SDK1: variants seen among roughly 807,000 people sequenced by gnomAD.
SDK1 encodes the protein protein sidekick-1.
A neutral mutation model predicts 245.5 loss-of-function variants in SDK1; 157 were observed. The ratio of observed to expected loss-of-function variants is 0.64; its 90% CI spans 0.56 to 0.73. The LOEUF is 0.73. Ranked by LOEUF, SDK1 falls within the 30% of genes least tolerant of loss-of-function variation. SDK1 has a pLI of 0.00. For synonymous variants in SDK1, 1,647 were observed against 1,278.5 expected, an observed-to-expected ratio of 1.29 and a Z score of -6.15; for missense variants, 3,583 against 3,002.3, an observed-to-expected ratio of 1.19 and a Z score of -4.52.
chr7:3,312,719 A>G (rs1779579706), intron 1 of SDK1, among the ~76,000 whole-genome samples: 1 of 152,200 alleles, frequency 6.6e-6, no homozygotes, highest in African/African-American at 2.4e-5. Flanking sequence ...AAAGAAATGG[A>G]AAATGAGTGG....
chr7:3,386,782 C>T lies in SDK1; in HGVS notation c.298+84898C>T, dbSNP rs1026264319. 2.6e-5 allele frequency among the ~76,000 whole-genome samples: 4 copies of T among 152,174 alleles called. No homozygotes were observed. In the East Asian group the frequency reaches 5.8e-4, roughly 22 times the overall value. ...CTTGCAGGTTTTCTGCTGATGGCAG[C>T]TGCTATCACCATGTTTATCTTTTGG... is the stretch of plus-strand genomic sequence containing the variant. On this transcript the variant is annotated intron_variant, in intron 1 of 44. Coordinates refer to ENST00000404826, the MANE Select transcript of SDK1 (RefSeq NM_152744.4).
At chr7:4,035,471 A>G (rs11973501) in intron 17 of SDK1, among the ~76,000 whole-genome samples, 5,930 of 152,240 alleles carry the variant, frequency 0.039, 357 homozygotes, top group African/African-American at 0.13. Flanking sequence ...CAAAGAAAAA[A>G]AGATTTTCAA....
At chr7:3,975,893 G>A (rs762178671) in intron 13 of SDK1, among the ~76,000 whole-genome samples, 7 of 152,318 alleles carry the variant, frequency 4.6e-5, no homozygotes, top group Middle Eastern at 3.4e-3. Flanking sequence ...TGCTGCAGCT[G>A]CAAAGCTGCC....
chr7:3,363,426 C>T (rs960345762), intron 1 of SDK1, among the ~76,000 whole-genome samples: 1 of 151,994 alleles, frequency 6.6e-6, no homozygotes, highest in Non-Finnish European at 1.5e-5. Flanking sequence ...TCGCTATAAA[C>T]ATTTGTCTAT....
intron 4 of SDK1, among the ~76,000 whole-genome samples, chr7:3,811,266 C>T (rs989464331): frequency 6.6e-6 from 1 of 152,152 alleles, no homozygotes; most frequent in Non-Finnish European, 1.5e-5. Context: ...GGGGCCAGAT[C>T]CAGTTCCACT....
At chr7:4,214,829 A>G (rs1300475467) in intron 38 of SDK1, among the ~76,000 whole-genome samples, 3 of 152,158 alleles carry the variant, frequency 2.0e-5, no homozygotes, top group African/African-American at 7.2e-5. Flanking sequence ...TGACTAAGCC[A>G]TGGGGCCCCC....
intron 1 of SDK1, among the ~76,000 whole-genome samples, chr7:3,393,936 A>G (rs1298301256): frequency 6.6e-5 from 10 of 152,052 alleles, no homozygotes; most frequent in African/African-American, 2.4e-4. Context: ...AGAGTTAGGC[A>G]TTTATTATAG....
intron 1 of SDK1, among the ~76,000 whole-genome samples, chr7:3,574,239 C>G (rs1780213706): frequency 6.6e-6 from 1 of 151,870 alleles, no homozygotes; most frequent in Non-Finnish European, 1.5e-5. Context: ...GTCTCAGCCT[C>G]CCGAGCAGCT....
At chr7:3,356,951 A>T (rs1384734870) in intron 1 of SDK1, among the ~76,000 whole-genome samples, 1 of 123,048 alleles carries the variant, frequency 8.1e-6, no homozygotes, top group Non-Finnish European at 1.7e-5. Flanking sequence ...GCTACTCAGG[A>T]GGCTGAGGCA....
At chr7:3,723,379 G>C (rs1583343243) in intron 4 of SDK1, among the ~76,000 whole-genome samples, 1 of 152,264 alleles carries the variant, frequency 6.6e-6, no homozygotes, top group Admixed American at 6.5e-5. Flanking sequence ...GGTATTTGTT[G>C]ATAAAAGGAA....
At chr7:3,392,624 C>T (rs1259286232) in intron 1 of SDK1, among the ~76,000 whole-genome samples, 3 of 152,114 alleles carry the variant, frequency 2.0e-5, no homozygotes, top group Admixed American at 1.3e-4. Context: ...TTTCTTCCTC[C>T]CTCCAACCCT....
At chr7:3,429,783 G>C (rs1262201445) in intron 1 of SDK1, among the ~76,000 whole-genome samples, 1 of 150,842 alleles carries the variant, frequency 6.6e-6, no homozygotes, top group African/African-American at 2.4e-5. Context: ...TGTAGAGACA[G>C]GTCTCACTAT....
chr7:3,424,414 T>C (rs1235928066), intron 1 of SDK1, among the ~76,000 whole-genome samples: 1 of 152,166 alleles, frequency 6.6e-6, no homozygotes, highest in African/African-American at 2.4e-5. Context: ...CCCTCAAATA[T>C]AAGAAGTTTA....
Position 3,962,799 on chromosome 7 carries a change from C to A in SDK1, c.1377C>A (p.Phe459Leu). The A allele has an allele frequency of 6.2e-7, 1 of 1,613,594 alleles. No homozygotes were observed. The change falls in exon 9 of 45, where the codon TTC becomes TTA. Residue 459 changes from phenylalanine to leucine, a missense_variant. Transcript: ENST00000404826. ...AGGACTCCGGAATCTTCCAGTGCTT[C>A]GCCAGCAATGAAGGAGGGGAGATCC... ...RPEDSGIFQC[F>L]ASNEGGEIQT...
chr7:3,690,467 T>C (rs968096037), intron 4 of SDK1, among the ~76,000 whole-genome samples: 3 of 152,192 alleles, frequency 2.0e-5, no homozygotes, highest in Non-Finnish European at 4.4e-5. Context: ...TGTTTCTCTT[T>C]CAAATTTTTC....
At chr7:4,161,286 C>T (rs1781102934) in intron 31 of SDK1, among the ~76,000 whole-genome samples, 1 of 152,204 alleles carries the variant, frequency 6.6e-6, no homozygotes, top group Admixed American at 6.5e-5. Context: ...CTTCACCCTG[C>T]TGTCCCAGCC....
intron 4 of SDK1, among the ~76,000 whole-genome samples, chr7:3,750,111 C>T (rs1779733027): frequency 6.6e-6 from 1 of 152,184 alleles, no homozygotes; most frequent in African/African-American, 2.4e-5. Flanking sequence ...AAAAATGTTT[C>T]ACTCTGAATG....
At position 3,688,109 on chromosome 7, in the gene SDK1, T is replaced by C. The variant is rs78459741; in HGVS notation, c.713+46004T>C. ...AAGAGCTGAGACAATCAGTGCTCAGTGTAGTAATGATACAGCTACTTCCTA... is the reference window on the plus strand; with the variant it reads ...AAGAGCTGAGACAATCAGTGCTCAGCGTAGTAATGATACAGCTACTTCCTA... On this transcript the variant is annotated intron_variant, in intron 4 of 44. Transcript: ENST00000404826. Among the ~76,000 whole-genome samples the C allele has an allele frequency of 1.2e-3, 183 of 152,362 alleles. 1 individual carries two copies. Among genetic ancestry groups the C allele is most frequent in the African/African-American group, 4.2e-3 (174 of 41,584 alleles).
chr7:3,760,126 A>G (rs1583385020), intron 4 of SDK1, among the ~76,000 whole-genome samples: 1 of 152,108 alleles, frequency 6.6e-6, no homozygotes, highest in East Asian at 1.9e-4. Context: ...AAATTCCTCC[A>G]TAAATAAAGA....
Sources: gnomAD v4.1 joint callset for allele counts (sites outside exome capture counted in the v4.1 genomes callset) on GRCh38, gnomAD v4.1.1 for gene constraint, MANE v1.5 for transcripts, NCBI Gene and HGNC (gene_info 2026-07-23, HGNC 2026-07-21) for gene names.